MADCAM1: variants seen among roughly 807,000 people sequenced by gnomAD.
The protein encoded by MADCAM1 is mucosal vascular addressin cell adhesion molecule 1, also known as mucosal addressin cell adhesion molecule 1.
A neutral mutation model predicts 26.1 loss-of-function variants in MADCAM1; 19 were observed. The observed-to-expected ratio is 0.73, with a 90% confidence interval of 0.51 to 1.07. MADCAM1 has a LOEUF of 1.07. Ranked by LOEUF, MADCAM1 falls within the 50% of genes least tolerant of loss-of-function variation. The pLI is 0.00. For missense variants in MADCAM1, 514 were observed against 542.1 expected (o/e 0.95, Z 0.51); for synonymous variants, 268 against 260.9 (o/e 1.03, Z -0.26).
In MADCAM1 at chr19:501,870, C is replaced by T; in HGVS notation, c.869C>T (p.Thr290Ile). 1 of 1,557,442 alleles carries T rather than the reference C, an allele frequency of 6.4e-7. No homozygotes were observed. Among genetic ancestry groups the T allele is most frequent in the Non-Finnish European group, 8.7e-7 (1 of 1,151,428 alleles). Residue 290 changes from threonine to isoleucine, a missense_variant, in exon 4 of 5, where the codon ACT becomes ATT. This residue lies in a region of MADCAM1 where 152 missense variants were observed against 136.7 expected (regional missense o/e 1.11). Coordinates refer to ENST00000215637, the MANE Select transcript of MADCAM1 (RefSeq NM_130760.3). Reference protein sequence around the residue: ...HTPRSPGSTRTRRPEISQAGP... With the variant: ...HTPRSPGSTRIRRPEISQAGP... ...CCCAGGAGCCCAGGCTCCACCAGGACTCGCCGCCCTGAGATCTCCCAGGCT... is the reference window on the plus strand; with the variant it reads ...CCCAGGAGCCCAGGCTCCACCAGGATTCGCCGCCCTGAGATCTCCCAGGCT...
chr19:502,056 T>G, intron 4 of MADCAM1, 127 bp downstream of exon 4: 1 of 1,063,348 alleles, frequency 9.4e-7, no homozygotes, highest in Non-Finnish European at 1.3e-6. Flanking sequence ...AGCCTCAGTT[T>G]CCCCGTCTGC....
rs374689202 is a variant in MADCAM1, at chr19:504,775, C to A, written c.959C>A (p.Ala320Glu). ...AAACCTGCGGGTGACCAGCTGCCCG[C>A]GGCTCTGTGGACCAGCAGTGCGGTG... ...SSKPAGDQLP[A>E]ALWTSSAVLG... The change falls in exon 5 of 5, where the codon GCG (alanine) becomes GAG (glutamate). Residue 320 changes from alanine to glutamate, a missense_variant. Around this residue, in one of 3 missense-constraint regions of MADCAM1, gnomAD observed 152 missense variants for 136.7 expected, o/e 1.11. Coordinates refer to ENST00000215637, the MANE Select transcript of MADCAM1 (RefSeq NM_130760.3). 3 of 1,608,870 alleles carry A rather than the reference C, an allele frequency of 1.9e-6. No homozygotes were observed. Among genetic ancestry groups the A allele is most frequent in the East Asian group, 4.5e-5 (2 of 44,722 alleles).
In MADCAM1 at chr19:504,911, G is replaced by T. The variant is rs777718695; in HGVS notation, c.1095G>T (p.Val365=). 3 of 1,612,434 alleles carry T rather than the reference G, an allele frequency of 1.9e-6. No homozygotes were observed. Among genetic ancestry groups the T allele is most frequent in the Admixed American group, 1.7e-5 (1 of 59,998 alleles). The change falls in exon 5 of 5, where the codon GTG becomes GTT. Residue 365 remains valine, a synonymous_variant. Coordinates refer to ENST00000215637, the MANE Select transcript of MADCAM1 (RefSeq NM_130760.3). ...CTTCTCTGAGGCTTCTGCCCCAGGT[G>T]TCGGCCTGGGCTGGGTTAAGGGGGA... ...PPASLRLLPQ[V]SAWAGLRGTG... is the part of the protein sequence containing the mutation.
intron 3 of MADCAM1, among the ~76,000 whole-genome samples, chr19:500,670 A>G (rs1260279985): frequency 6.6e-6 from 1 of 152,180 alleles, no homozygotes; most frequent in African/African-American, 2.4e-5. Flanking sequence ...GGAGATCGAG[A>G]CTAGCCTGAC....
chr19:502,891 A>C (rs973943248), intron 4 of MADCAM1, among the ~76,000 whole-genome samples: 1 of 152,182 alleles, frequency 6.6e-6, no homozygotes, highest in African/African-American at 2.4e-5. Context: ...TAAGTAGGTA[A>C]GCGCAAAGGA....
chr19:496,607 A>T, intron 1 of MADCAM1, 56 bp downstream of exon 1: 2 of 816,224 alleles, frequency 2.5e-6, no homozygotes, highest in Non-Finnish European at 1.5e-6. Context: ...GGCTCAGGAG[A>T]GAGGAGGGGG....
intron 3 of MADCAM1, among the ~76,000 whole-genome samples, chr19:500,824 C>T (rs947009140): frequency 4.0e-5 from 6 of 151,670 alleles, no homozygotes; most frequent in Non-Finnish European, 5.9e-5. Context: ...GAGCCGAGAT[C>T]GCACCATTGC....
chr19:500,419 T>A (rs962893060), intron 3 of MADCAM1, among the ~76,000 whole-genome samples: 1 of 152,190 alleles, frequency 6.6e-6, no homozygotes, highest in African/African-American at 2.4e-5. Flanking sequence ...TCAGGGACCA[T>A]GTGGATTTCA....
chr19:497,467 G>A (rs1350938216), intron 1 of MADCAM1, among the ~76,000 whole-genome samples: 3 of 147,882 alleles, frequency 2.0e-5, no homozygotes, highest in Non-Finnish European at 4.5e-5. Flanking sequence ...AGAGACGAGG[G>A]GTGCTCAGAG....
At chr19:503,421 A>G (rs1978448879) in intron 4 of MADCAM1, among the ~76,000 whole-genome samples, 1 of 151,360 alleles carries the variant, frequency 6.6e-6, no homozygotes, top group Non-Finnish European at 1.5e-5. Context: ...CTCCACTAAA[A>G]ATACAAAAAA....
chr19:500,608 T>C (rs548808714), intron 3 of MADCAM1, among the ~76,000 whole-genome samples: 8 of 152,026 alleles, frequency 5.3e-5, no homozygotes, highest in East Asian at 3.9e-4. Flanking sequence ...CGGTGGCTCA[T>C]GCTTGTAATC....
Position 498,090 on chromosome 19 carries a change from C to A in MADCAM1, c.310C>A (p.Gln104Lys), listed in dbSNP as rs1171414308. ...GGGCTCCTGCGGGGGCCGCACCTTC[C>A]AGCACACCGTGCAGCTCCTTGTGTA... Reference protein sequence around the residue: ...CVGSCGGRTFQHTVQLLVYAF... With the variant: ...CVGSCGGRTFKHTVQLLVYAF... The change falls in exon 2 of 5, where the codon CAG (glutamine) becomes AAG (lysine). Residue 104 changes from glutamine to lysine, a missense_variant. Around this residue, in one of 3 missense-constraint regions of MADCAM1, gnomAD observed 317 missense variants for 313.6 expected, o/e 1.01. Coordinates refer to ENST00000215637, the MANE Select transcript of MADCAM1 (RefSeq NM_130760.3). 1 of 1,441,674 alleles carries A rather than the reference C, an allele frequency of 6.9e-7. No individual in the cohort carries two copies. Among genetic ancestry groups the A allele is most frequent in the East Asian group, 2.7e-5 (1 of 36,484 alleles). The allele number at this position is 1,441,674 out of a possible 1,614,324, so 89.3% of individuals were successfully genotyped here.
Position 501,893 on chromosome 19 carries a change from G to A in MADCAM1, c.892G>A (p.Ala298Thr), listed in dbSNP as rs1338511358. The A allele has an allele frequency of 4.5e-6, 7 of 1,554,962 alleles. No homozygotes were observed. Among genetic ancestry groups the A allele is most frequent in the Non-Finnish European group, 5.2e-6 (6 of 1,150,736 alleles). ...GACTCGCCGCCCTGAGATCTCCCAGGCTGGGCCCACGCAGGGAGAAGTGAT... is the reference window on the plus strand; with the variant it reads ...GACTCGCCGCCCTGAGATCTCCCAGACTGGGCCCACGCAGGGAGAAGTGAT... ...TRTRRPEISQ[A>T]GPTQGEVIPT... Residue 298 changes from alanine to threonine, a missense_variant, in exon 4 of 5, where the codon GCT becomes ACT. Coordinates refer to ENST00000215637, the MANE Select transcript of MADCAM1 (RefSeq NM_130760.3).
intron 3 of MADCAM1, among the ~76,000 whole-genome samples, chr19:500,479 C>T (rs1406797799): frequency 6.6e-6 from 1 of 152,244 alleles, no homozygotes; most frequent in East Asian, 1.9e-4. Context: ...CCTGTAATCC[C>T]AGCACTTTGG....
Position 504,834 on chromosome 19 carries a change from C to A in MADCAM1, c.1018C>A (p.His340Asn). 6.2e-7 allele frequency: 1 copy of A among 1,613,052 alleles called. No individual in the cohort carries two copies. Among genetic ancestry groups the A allele is most frequent in the Non-Finnish European group, 8.5e-7 (1 of 1,179,988 alleles). The change falls in exon 5 of 5, where the codon CAC becomes AAC. Residue 340 changes from histidine to asparagine, a missense_variant. Around this residue, in one of 3 missense-constraint regions of MADCAM1, gnomAD observed 152 missense variants for 136.7 expected, o/e 1.11. Coordinates refer to ENST00000215637, the MANE Select transcript of MADCAM1 (RefSeq NM_130760.3). ...GCTGCTCCTGGCCTTGCCCACCTAT[C>A]ACCTCTGGAAACGCTGCCGGCACCT... Reference protein sequence around the residue: ...GLLLLALPTYHLWKRCRHLAE... With the variant: ...GLLLLALPTYNLWKRCRHLAE...
chr19:502,584 G>A (rs547445567), intron 4 of MADCAM1, among the ~76,000 whole-genome samples: 51 of 152,256 alleles, frequency 3.3e-4, no homozygotes, highest in African/African-American at 1.1e-3. Flanking sequence ...TTACAGGTGT[G>A]AGCCACTGCA....
chr19:497,738 C>T, intron 1 of MADCAM1, 95 bp from the exon 2 acceptor site: 1 of 867,346 alleles, frequency 1.2e-6, no homozygotes, highest in Non-Finnish European at 1.4e-6. Context: ...CGGGCAGAGG[C>T]GGGGCGGGGT....
intron 4 of MADCAM1, 74 bp downstream of exon 4, chr19:502,003 G>C: frequency 3.6e-6 from 5 of 1,371,186 alleles, no homozygotes; most frequent in Non-Finnish European, 4.7e-6. Context: ...GAAGACTTTA[G>C]ACAAGAAATT....
intron 4 of MADCAM1, among the ~76,000 whole-genome samples, chr19:503,578 CAA>C (rs55970128): frequency 8.3e-6 from 1 of 120,116 alleles, no homozygotes. Flanking sequence ...GACTCCGTCT[CAA>C]AAAAAAAAAA....
Sources: allele counts gnomAD v4.1 joint callset (sites outside exome capture counted in the v4.1 genomes callset), GRCh38; gene constraint gnomAD v4.1.1; regional missense constraint gnomAD v4.1.1; transcripts MANE v1.5; gene names NCBI Gene and HGNC (gene_info 2026-07-23, HGNC 2026-07-21).